Variants in CEP63 observed in about 807,000 individuals in gnomAD.
CEP63 encodes the protein centrosomal protein 63, also known as centrosomal protein of 63 kDa.
Under a neutral mutation model 89.1 loss-of-function variants are expected in CEP63, and 84 were observed. The ratio of observed to expected loss-of-function variants is 0.94; its 90% confidence interval spans 0.79 to 1.13. The LOEUF is 1.13. Among genes scored for constraint, CEP63 ranks in the 50% most tolerant of loss-of-function variants. The pLI, the probability that CEP63 is intolerant of heterozygous loss-of-function variation, is 0.00. For missense variants in CEP63, 838 were observed against 813.3 expected, an observed-to-expected ratio of 1.03 and a Z score of -0.37; for synonymous variants, 267 against 272.5, an observed-to-expected ratio of 0.98 and a Z score of 0.20.
the CEP63 span, among the ~76,000 whole-genome samples, chr3:134,727,808 T>C: frequency 1.3e-5 from 2 of 152,200 alleles, no homozygotes; most frequent in Non-Finnish European, 2.9e-5. Context: ...TTAAACAAGA[T>C]TGCCAAAGTG....
At chr3:134,685,913 C>T in the CEP63 span, among the ~76,000 whole-genome samples, 12 of 152,208 alleles carry the variant, frequency 7.9e-5, no homozygotes, top group South Asian at 2.1e-4. Context: ...TTGTCTGCCA[C>T]GTGTTTAGGG....
chr3:134,775,235 G>T, the CEP63 span, among the ~76,000 whole-genome samples: 1 of 152,168 alleles, frequency 6.6e-6, no homozygotes, highest in African/African-American at 2.4e-5. Context: ...GTGGAATAGT[G>T]TCCTCAGGGA....
At chr3:134,587,149 G>T (rs928548344) in intron 10 of CEP63, among the ~76,000 whole-genome samples, 1 of 152,098 alleles carries the variant, frequency 6.6e-6, no homozygotes, top group Non-Finnish European at 1.5e-5. Flanking sequence ...TGCTTCGTTC[G>T]CTCAGAGAAG....
chr3:134,658,143 G>T, the CEP63 span, among the ~76,000 whole-genome samples: 3 of 152,080 alleles, frequency 2.0e-5, no homozygotes, highest in African/African-American at 7.2e-5. Context: ...TGATCTGCCC[G>T]CCTCAGCCTC....
the CEP63 span, chr3:134,619,256 A>G: frequency 2.4e-4 from 386 of 1,613,378 alleles, no homozygotes; most frequent in Non-Finnish European, 2.8e-4. Flanking sequence ...AGCAGCTGCA[A>G]TGTCATACTC....
chr3:134,561,975 C>A lies in CEP63; in HGVS notation c.*440C>A. ...ATCGATAGACTGGTTTTGCCACTTA[C>A]CAGCCAACGGGGCTTGTTATTTACT... is the stretch of plus-strand genomic sequence containing the variant. On this transcript the variant is annotated 3_prime_UTR_variant, in exon 15 of 15. Coordinates refer to ENST00000675561, the MANE Select transcript of CEP63 (RefSeq NM_001353108.3). 2 of 1,019,160 alleles carry A rather than the reference C, an allele frequency of 2.0e-6. No individual in the cohort carries two copies. The allele number at this position is 1,019,160 out of a possible 1,614,324, so 63.1% of individuals were successfully genotyped here.
At chr3:134,485,865 G>A (rs1460497339), upstream of CEP63, 1 of 464,374 alleles carries the variant, frequency 2.2e-6, no homozygotes, top group African/African-American at 2.1e-5. Flanking sequence ...AGCCTCGGCC[G>A]ATGGGAATAG....
At chr3:134,584,773 C>T (rs1958442753) in intron 10 of CEP63, among the ~76,000 whole-genome samples, 1 of 152,000 alleles carries the variant, frequency 6.6e-6, no homozygotes, top group South Asian at 2.1e-4. Context: ...CTCTTTGTAC[C>T]TCTGGTTGAA....
the CEP63 span, among the ~76,000 whole-genome samples, chr3:134,760,751 C>G: frequency 0.017 from 2,608 of 152,258 alleles, 27 homozygotes; most frequent in Non-Finnish European, 0.026. Context: ...TTCACGTGCT[C>G]TTGGCTGGAG....
the CEP63 span, among the ~76,000 whole-genome samples, chr3:134,623,017 G>A: frequency 6.6e-6 from 1 of 152,124 alleles, no homozygotes; most frequent in South Asian, 2.1e-4. Context: ...TTTCTTCTAC[G>A]TCCAGCTCCA....
intron 9 of CEP63, among the ~76,000 whole-genome samples, 177 bp from the exon 10 acceptor site, chr3:134,548,885 A>C (rs1560012967): frequency 6.6e-6 from 1 of 152,214 alleles, no homozygotes; most frequent in African/African-American, 2.4e-5. Context: ...ACAACAGTTT[A>C]CATTTTTATC....
rs1935178970 is a variant in CEP63 at position 134,486,097 on chromosome 3, T to C, written c.-131T>C. 2 of 985,318 alleles carry C rather than the reference T, an allele frequency of 2.0e-6. No homozygotes were observed. Among genetic ancestry groups the C allele is most frequent in the African/African-American group, 1.7e-5 (1 of 57,168 alleles). 61.0% of individuals were successfully genotyped at this position (985,318 alleles called of 1,614,324 possible). A position where few individuals can be genotyped will look rare whatever the true frequency, so the allele number is the denominator to read the frequency against. On this transcript the variant is annotated 5_prime_UTR_variant, in exon 1 of 15. Transcript: ENST00000675561. The stretch of plus-strand genomic sequence containing the variant: ...TGCAGGGGAAGTCTGGAGAAGGCAT[T>C]GTTTCAATTATTAAAAGTGTGGGGG...
the CEP63 span, among the ~76,000 whole-genome samples, chr3:134,679,188 A>T: frequency 6.6e-6 from 1 of 152,114 alleles, no homozygotes; most frequent in Non-Finnish European, 1.5e-5. Flanking sequence ...GCTGCCATTT[A>T]TTTGCTTTAT....
the CEP63 span, among the ~76,000 whole-genome samples, chr3:134,729,312 AC>A: frequency 1.3e-5 from 2 of 152,344 alleles, no homozygotes; most frequent in South Asian, 4.1e-4. Context: ...AATTAAAAAT[AC>A]TTTTATATTC....
intron 8 of CEP63, among the ~76,000 whole-genome samples, chr3:134,546,725 C>G (rs2109648446): frequency 6.6e-6 from 1 of 152,290 alleles, no homozygotes; most frequent in East Asian, 1.9e-4. Flanking sequence ...TCTTAATTGG[C>G]TTTAACTTCT....
intron 2 of CEP63, among the ~76,000 whole-genome samples, chr3:134,503,098 A>ATTT (rs1209684060): frequency 2.7e-5 from 2 of 75,242 alleles, no homozygotes; most frequent in African/African-American, 1.0e-4. Flanking sequence ...TGTGATTTCA[A>ATTT]TCTTTTTTTT....
chr3:134,622,304 A>G, the CEP63 span, among the ~76,000 whole-genome samples: 11 of 152,248 alleles, frequency 7.2e-5, no homozygotes, highest in Non-Finnish European at 1.0e-4. Context: ...CAAAAGGTTA[A>G]AAAACATCCA....
chr3:134,758,249 A>G, the CEP63 span, among the ~76,000 whole-genome samples: 1 of 152,192 alleles, frequency 6.6e-6, no homozygotes, highest in Non-Finnish European at 1.5e-5. Flanking sequence ...CGGCTCATAC[A>G]GTACATATGC....
At chr3:134,552,371 T>A (rs1337743436) in intron 12 of CEP63, 1 of 167,424 alleles carries the variant, frequency 6.0e-6, no homozygotes, top group Non-Finnish European at 1.3e-5. Context: ...ACCTGGCTGA[T>A]GTTGTATTTT....
Sources: gnomAD v4.1 joint callset for allele counts (sites outside exome capture counted in the v4.1 genomes callset) on GRCh38, gnomAD v4.1.1 for gene constraint, MANE v1.5 for transcripts, NCBI Gene and HGNC (gene_info 2026-07-23, HGNC 2026-07-21) for gene names.